Variants in PRPS2 observed in about 807,000 individuals in gnomAD.
PRPS2 encodes ribose-phosphate pyrophosphokinase 2.
For missense variants in PRPS2, 104 were observed against 271.5 expected (o/e 0.38, Z 4.34); for synonymous variants, 111 against 115.3 (o/e 0.96, Z 0.24).
intron 2 of PRPS2, 139 bp downstream of exon 2, chrX:12,799,529 T>C (rs2042559574): frequency 2.8e-6 from 2 of 726,739 alleles, no homozygotes; most frequent in Non-Finnish European, 3.9e-6. Context: ...TTTCTTATTT[T>C]GTTTGTTGAA....
chrX:12,811,364 T>C (rs1026544817), intron 4 of PRPS2, among the ~76,000 whole-genome samples: 2 of 111,746 alleles, frequency 1.8e-5, no homozygotes, highest in Non-Finnish European at 3.8e-5. Flanking sequence ...TCTGAAGGGC[T>C]TCACAGAGAT....
At chrX:12,815,700 A>G (rs952901088) in intron 4 of PRPS2, among the ~76,000 whole-genome samples, 5 of 110,925 alleles carry the variant, frequency 4.5e-5, no homozygotes, top group South Asian at 3.8e-4. Flanking sequence ...CTGGAGTGCA[A>G]TGGCGTGATC....
intron 4 of PRPS2, among the ~76,000 whole-genome samples, chrX:12,810,723 G>T (rs1232244569): frequency 9.1e-6 from 1 of 110,435 alleles, no homozygotes; most frequent in Non-Finnish European, 1.9e-5. Context: ...GGTGATGTAT[G>T]CCTGTAATCC....
chrX:12,813,031 A>G (rs1364500488), intron 4 of PRPS2, among the ~76,000 whole-genome samples: 1 of 112,221 alleles, frequency 8.9e-6, no homozygotes, highest in African/African-American at 3.2e-5. Context: ...CCTTGTTTTT[A>G]TATACATAGT....
At chrX:12,805,470 T>C (rs917203061) in intron 2 of PRPS2, among the ~76,000 whole-genome samples, 4 of 112,202 alleles carry the variant, frequency 3.6e-5, no homozygotes, top group African/African-American at 1.3e-4. Context: ...GTTGGGTATC[T>C]ATTGCAGCAG....
chrX:12,821,653 A>G (rs150243454), intron 6 of PRPS2, among the ~76,000 whole-genome samples: 254 of 112,253 alleles, frequency 2.3e-3, no homozygotes, highest in African/African-American at 8.1e-3. Flanking sequence ...AAGAACAGAC[A>G]CTATACTTGA....
At chrX:12,795,723 T>C (rs997629039) in intron 1 of PRPS2, among the ~76,000 whole-genome samples, 5 of 112,469 alleles carry the variant, frequency 4.4e-5, no homozygotes, top group African/African-American at 1.6e-4. Flanking sequence ...TATGACCTAA[T>C]CACCTCTTAA....
At chrX:12,808,027 C>G (rs369857418) in intron 2 of PRPS2, among the ~76,000 whole-genome samples, 32 of 110,058 alleles carry the variant, frequency 2.9e-4, no homozygotes, top group African/African-American at 1.0e-3. Context: ...GCCACCACGC[C>G]TGGCTAATTT....
At chrX:12,805,460 G>A (rs866266569) in intron 2 of PRPS2, among the ~76,000 whole-genome samples, 13 of 112,065 alleles carry the variant, frequency 1.2e-4, no homozygotes, top group Middle Eastern at 4.6e-3. Context: ...TTTGTGGGCC[G>A]TTGGGTATCT....
At chrX:12,792,012 G>C (rs1014179599) in intron 1 of PRPS2, among the ~76,000 whole-genome samples, 1 of 113,317 alleles carries the variant, frequency 8.8e-6, no homozygotes, top group Admixed American at 9.2e-5. Context: ...CATCGGGTCA[G>C]CGCGCGGTGG....
chrX:12,810,367 A>G, intron 4 of PRPS2: 2 of 380,235 alleles, frequency 5.3e-6, no homozygotes, highest in Non-Finnish European at 8.8e-6. Flanking sequence ...CACATACACA[A>G]TAGGTATATA....
At chrX:12,794,086 G>T (rs1957837949) in intron 1 of PRPS2, among the ~76,000 whole-genome samples, 1 of 112,758 alleles carries the variant, frequency 8.9e-6, no homozygotes, top group South Asian at 3.6e-4. Context: ...AATAAATAAA[G>T]AGCTTAATGG....
intron 6 of PRPS2, among the ~76,000 whole-genome samples, chrX:12,821,662 G>C (rs751783797): frequency 8.9e-6 from 1 of 111,922 alleles, no homozygotes; most frequent in East Asian, 2.8e-4. Context: ...CACTATACTT[G>C]ATCTTAGCCA....
rs992446235 is a variant in PRPS2 at position 12,794,211 on chromosome X, G to A, written c.122+2592G>A. Among the ~76,000 whole-genome samples, 4 of 112,330 alleles carry A rather than the reference G, an allele frequency of 3.6e-5. No homozygotes were observed. The South Asian group carries it at 1.1e-3, about 31-fold the overall frequency. On this transcript the variant is annotated intron_variant, in intron 1 of 6. Transcript: ENST00000380668. The stretch of plus-strand genomic sequence containing the variant: ...AGCTGAGGCTGGTCACAGCTGAGGC[G>A]GCTAACTGGGGCTGGAGGGTTCTTG...
intron 1 of PRPS2, among the ~76,000 whole-genome samples, chrX:12,798,591 T>A (rs2147214976): frequency 8.9e-6 from 1 of 112,361 alleles, no homozygotes; most frequent in Non-Finnish European, 1.9e-5. Flanking sequence ...TATGACTGTA[T>A]AACTTTAATA....
intron 2 of PRPS2, among the ~76,000 whole-genome samples, chrX:12,803,738 G>A (rs773448379): frequency 1.8e-5 from 2 of 112,404 alleles, no homozygotes; most frequent in South Asian, 7.4e-4. Context: ...CCAAGGATTG[G>A]GCTCTGATAT....
intron 2 of PRPS2, among the ~76,000 whole-genome samples, chrX:12,802,374 G>A (rs910513976): frequency 1.8e-5 from 2 of 111,328 alleles, no homozygotes; most frequent in East Asian, 2.8e-4. Context: ...ATGGAGTTTC[G>A]CTCTTGTTGC....
rs1200307002 is a variant in PRPS2, at chrX:12,799,273, T to A, written c.189T>A (p.Ile63=). ...TCATCCAGAGCGGCTGCGGGGAAAT[T>A]AACGACAACCTGATGGAACTCCTCA... ...VYIIQSGCGE[I]NDNLMELLIM... Residue 63 remains isoleucine (I), a synonymous_variant, in exon 2 of 7, where the codon ATT becomes ATA. Transcript: ENST00000380668. The A allele has an allele frequency of 4.1e-6, 5 of 1,209,440 alleles. No individual in the cohort carries two copies. The African/African-American group carries it at 7.0e-5, about 17-fold the overall frequency.
intron 4 of PRPS2, among the ~76,000 whole-genome samples, chrX:12,816,492 G>C (rs1247460699): frequency 1.8e-5 from 2 of 110,584 alleles, no homozygotes; most frequent in Admixed American, 1.9e-4. Flanking sequence ...TTGTAGAGAT[G>C]GGGTTTTACT....
Sources: gnomAD v4.1 joint callset for allele counts (sites outside exome capture counted in the v4.1 genomes callset) on GRCh38, gnomAD v4.1.1 for gene constraint, MANE v1.5 for transcripts, NCBI Gene and HGNC (gene_info 2026-07-23, HGNC 2026-07-21) for gene names.